Variants in FGFR1 observed in about 807,000 individuals in gnomAD.
The protein encoded by FGFR1 is FGFR1/PLAG1 fusion.
In FGFR1, 18 loss-of-function variants were observed where a neutral mutation model predicts 93.7. The observed-to-expected ratio is 0.19, with a 90% CI of 0.13 to 0.28. The LOEUF (loss-of-function observed/expected upper bound fraction) is 0.28, where lower values mean the gene tolerates loss of function less well. Among genes scored for constraint, FGFR1 ranks in the 10% least tolerant of loss-of-function variants. The pLI, the probability that FGFR1 is intolerant of heterozygous loss-of-function variation, is 1.00. For synonymous variants in FGFR1, 448 were observed against 429.3 expected, an observed-to-expected ratio of 1.04 and a Z score of -0.54; for missense variants, 731 against 1,080.4, an observed-to-expected ratio of 0.68 and a Z score of 4.53.
intron 2 of FGFR1, among the ~76,000 whole-genome samples, chr8:38,436,193 A>T (rs778327431): frequency 7.2e-5 from 11 of 152,090 alleles, no homozygotes; most frequent in Non-Finnish European, 1.6e-4. Flanking sequence ...CTGGCAACAT[A>T]GTGAGACCCT....
chr8:38,414,935 G>A, intron 13 of FGFR1, 34 bp from the exon 14 acceptor site: 1 of 1,594,168 alleles, frequency 6.3e-7, no homozygotes, highest in Non-Finnish European at 8.6e-7. Context: ...GGGAGGCGGG[G>A]AGGTGAGGGA....
chr8:38,447,022 C>T (rs1829508691), intron 2 of FGFR1, among the ~76,000 whole-genome samples: 1 of 151,564 alleles, frequency 6.6e-6, no homozygotes, highest in Non-Finnish European at 1.5e-5. Flanking sequence ...GAACCTTGTT[C>T]ATTAAGGCAG....
intron 2 of FGFR1, among the ~76,000 whole-genome samples, chr8:38,452,818 T>C (rs575891864): frequency 1.3e-5 from 2 of 151,908 alleles, no homozygotes; most frequent in African/African-American, 2.4e-5. Flanking sequence ...CTACTAAATA[T>C]ACAAAAAAAC....
At chr8:38,467,936 G>C (rs1050248013) in intron 1 of FGFR1, 45 bp downstream of exon 1, 40 of 216,802 alleles carry the variant, frequency 1.8e-4, no homozygotes, top group South Asian at 5.5e-4. Context: ...GGGGCCGCTC[G>C]GGACGCCAAG....
At chr8:38,448,199 G>GGAGT (rs1440681063) in intron 2 of FGFR1, among the ~76,000 whole-genome samples, 1 of 152,024 alleles carries the variant, frequency 6.6e-6, no homozygotes, top group Admixed American at 6.6e-5. Context: ...TGGAATTATA[G>GGAGT]GAGTCTTCCT....
At chr8:38,434,557 T>A (rs2151029663) in intron 2 of FGFR1, 2 of 289,416 alleles carry the variant, frequency 6.9e-6, no homozygotes, top group South Asian at 9.1e-5. Context: ...CTTATAGTGA[T>A]TCTCAAAGTC....
intron 1 of FGFR1, chr8:38,466,771 G>C (rs1399871882): frequency 2.5e-5 from 5 of 201,904 alleles, no homozygotes; most frequent in East Asian, 1.5e-4. Context: ...AACGGAACCA[G>C]ATGCGGCTGC....
chr8:38,415,744 G>C, intron 13 of FGFR1, 126 bp downstream of exon 13: 2 of 939,980 alleles, frequency 2.1e-6, no homozygotes, highest in South Asian at 1.4e-5. Flanking sequence ...ACAACACACA[G>C]GGCACACAGG....
chr8:38,466,788 T>C, intron 1 of FGFR1: 1 of 153,956 alleles, frequency 6.5e-6, no homozygotes, highest in Non-Finnish European at 1.3e-5. Flanking sequence ...CTGCTACATC[T>C]GGAAATTGGG....
Position 38,448,516 on chromosome 8 carries a change from C to T in FGFR1, c.91+8840G>A, listed in dbSNP as rs531490636. On this transcript the variant is annotated intron_variant, in intron 2 of 17. Coordinates refer to ENST00000447712, the MANE Select transcript of FGFR1 (RefSeq NM_023110.3). Reference sequence around the variant, plus strand: ...TGCTGGGATTACAGGAGTGAGCCACCGCGCCCAGCCTAAACACTAATGTTT... The same window carrying T: ...TGCTGGGATTACAGGAGTGAGCCACTGCGCCCAGCCTAAACACTAATGTTT... Among the ~76,000 whole-genome samples, 8 of 152,182 alleles carry T rather than the reference C, an allele frequency of 5.3e-5. No individual in the cohort carries two copies. In the East Asian group the frequency reaches 5.8e-4, roughly 11 times the overall value.
At chr8:38,431,415 G>A (rs187005818) in intron 2 of FGFR1, among the ~76,000 whole-genome samples, 235 of 152,272 alleles carry the variant, frequency 1.5e-3, no homozygotes, top group African/African-American at 5.4e-3. Flanking sequence ...CACCTACTAC[G>A]ATGCCTGGCG....
chr8:38,467,074 G>C (rs1835728113), intron 1 of FGFR1, among the ~76,000 whole-genome samples: 1 of 152,054 alleles, frequency 6.6e-6, no homozygotes, highest in African/African-American at 2.4e-5. Flanking sequence ...GTCTGGGCCA[G>C]AGAAGCATAC....
intron 2 of FGFR1, among the ~76,000 whole-genome samples, chr8:38,438,443 T>G (rs553162627): frequency 6.6e-6 from 1 of 150,656 alleles, no homozygotes; most frequent in African/African-American, 2.4e-5. Context: ...CTGAGGAGGC[T>G]GAGGCAGGAG....
At chr8:38,414,530 C>T (rs747905682) in intron 15 of FGFR1, 29 bp downstream of exon 15, 3 of 1,612,866 alleles carry the variant, frequency 1.9e-6, no homozygotes, top group Non-Finnish European at 2.5e-6. Flanking sequence ...TATCCCACAC[C>T]TCCCTGGCAA....
intron 8 of FGFR1, among the ~76,000 whole-genome samples, chr8:38,421,306 C>T (rs1818675749): frequency 6.6e-6 from 1 of 152,222 alleles, no homozygotes; most frequent in Non-Finnish European, 1.5e-5. Context: ...CCTGTCCAGG[C>T]TGACCTCCTT....
chr8:38,438,915 C>G (rs1314678743), intron 2 of FGFR1, among the ~76,000 whole-genome samples: 1 of 152,126 alleles, frequency 6.6e-6, no homozygotes, highest in Non-Finnish European at 1.5e-5. Flanking sequence ...TCATATCAAT[C>G]ATTACCTTAC....
intron 3 of FGFR1, 138 bp from the exon 4 acceptor site, chr8:38,428,573 G>C: frequency 2.8e-6 from 2 of 714,140 alleles, no homozygotes; most frequent in Non-Finnish European, 5.0e-6. Context: ...ATGATCTCTT[G>C]GTGGGATGGA....
At chr8:38,423,289 A>T in intron 7 of FGFR1, 1 of 582,168 alleles carries the variant, frequency 1.7e-6, no homozygotes, top group Non-Finnish European at 3.1e-6. Context: ...ATGTTAAGTG[A>T]GATTTATTAC....
intron 2 of FGFR1, among the ~76,000 whole-genome samples, chr8:38,439,872 T>TA (rs1400190463): frequency 6.6e-6 from 1 of 152,162 alleles, no homozygotes; most frequent in Non-Finnish European, 1.5e-5. Flanking sequence ...GTCTTGCACT[T>TA]ACTCATGTTG....
Sources: allele counts gnomAD v4.1 joint callset (sites outside exome capture counted in the v4.1 genomes callset), GRCh38; gene constraint gnomAD v4.1.1; transcripts MANE v1.5; gene names NCBI Gene and HGNC (gene_info 2026-07-23, HGNC 2026-07-21).